Variants in PACS1 observed in about 807,000 individuals in gnomAD.
The protein encoded by PACS1 is PACS-1.
Under a neutral mutation model 115.0 loss-of-function variants are expected in PACS1, and 24 were observed. The observed-to-expected ratio is 0.21, with a 90% CI of 0.15 to 0.29. The LOEUF (loss-of-function observed/expected upper bound fraction) is 0.29, where lower values mean the gene tolerates loss of function less well. PACS1 is among the 10% of genes least tolerant of loss of function. PACS1 has a pLI of 1.00. For synonymous variants in PACS1, 453 were observed against 504.5 expected, an observed-to-expected ratio of 0.90 and a Z score of 1.37; for missense variants, 838 against 1,251.2, an observed-to-expected ratio of 0.67 and a Z score of 4.98.
intron 1 of PACS1, among the ~76,000 whole-genome samples, chr11:66,076,699 G>A (rs1417171027): frequency 1.3e-5 from 2 of 152,154 alleles, no homozygotes; most frequent in Non-Finnish European, 2.9e-5. Flanking sequence ...GGACTGGCCT[G>A]GACTTGAAGG....
At chr11:66,079,721 C>T (rs148327767) in intron 1 of PACS1, among the ~76,000 whole-genome samples, 23 of 152,306 alleles carry the variant, frequency 1.5e-4, no homozygotes, top group African/African-American at 5.3e-4. Context: ...CTCATGAAGT[C>T]TGCATTCTAG....
chr11:66,087,415 G>A (rs567414), intron 1 of PACS1, among the ~76,000 whole-genome samples: 2,079 of 152,124 alleles, frequency 0.014, 39 homozygotes, highest in African/African-American at 0.047. Context: ...CTAATTTTTT[G>A]TACTTTTAGT....
At chr11:66,120,240 T>G (rs1488134382) in intron 1 of PACS1, among the ~76,000 whole-genome samples, 1 of 144,158 alleles carries the variant, frequency 6.9e-6, no homozygotes, top group Non-Finnish European at 1.5e-5. Flanking sequence ...CTCTGCCCCC[T>G]GTGTGCCACC....
In PACS1 at chr11:66,216,274, T is replaced by G. The variant is rs1223095745; in HGVS notation, c.805+11T>G. 3 of 1,613,904 alleles carry G rather than the reference T, an allele frequency of 1.9e-6. No individual in the cohort carries two copies. Among genetic ancestry groups the G allele is most frequent in the East Asian group, 2.2e-5 (1 of 44,884 alleles). ...AATCCAAGCTTTCTGGTAAGAAGCA[T>G]GCAGCATCTGGAGACCCTACGAAGA... On this transcript the variant is annotated intron_variant, in intron 5 of 23. Transcript: ENST00000320580.
At chr11:66,212,343 A>C (rs1200926051) in intron 4 of PACS1, among the ~76,000 whole-genome samples, 2 of 150,812 alleles carry the variant, frequency 1.3e-5, no homozygotes, top group African/African-American at 4.9e-5. Flanking sequence ...CATGTTGGCC[A>C]GGATGGTCTC....
At chr11:66,126,835 TAA>T (rs2134570179) in intron 1 of PACS1, among the ~76,000 whole-genome samples, 1 of 152,038 alleles carries the variant, frequency 6.6e-6, no homozygotes, top group South Asian at 2.1e-4. Context: ...CTGGAGGCAG[TAA>T]AGAGCCAGCC....
rs1031055260 is a variant in PACS1 at position 66,233,644 on chromosome 11, T to G, written c.1839-141T>G. ...AAAGCACTGTGGCTTATTCCCTGTA[T>G]GATCCTCTCTGTTTTATTTTGTGGA... On this transcript the variant is annotated intron_variant, in intron 15 of 23. Coordinates refer to ENST00000320580, the MANE Select transcript of PACS1 (RefSeq NM_018026.4). This position sits in a 1 kb window ranked among gnomAD's most constrained non-coding sequence, Gnocchi z 4.5. The G allele has an allele frequency of 1.3e-6, 1 of 757,818 alleles. No individual in the cohort carries two copies. The highest frequency in any genetic ancestry group is 2.1e-6 in the Non-Finnish European group (1 of 478,234). The allele number at this position is 757,818 out of a possible 1,614,324, so 46.9% of individuals were successfully genotyped here. A position where few individuals can be genotyped will look rare whatever the true frequency, so the allele number is the denominator to read the frequency against.
chr11:66,195,740 T>C (rs1854635541), intron 2 of PACS1, among the ~76,000 whole-genome samples: 1 of 152,190 alleles, frequency 6.6e-6, no homozygotes, highest in Non-Finnish European at 1.5e-5. Context: ...AAATACTTAT[T>C]GAGCATCTAT....
At chr11:66,239,577 G>A (rs186641143) in intron 21 of PACS1, among the ~76,000 whole-genome samples, 454 of 152,334 alleles carry the variant, frequency 3.0e-3, no homozygotes, top group Non-Finnish European at 5.3e-3. Context: ...AGCCGGCCTG[G>A]TCATGGGAGG....
chr11:66,234,068 A>G (rs1023762470), intron 16 of PACS1, 64 bp from the exon 17 acceptor site: 18 of 1,523,998 alleles, frequency 1.2e-5, no homozygotes, highest in Non-Finnish European at 1.6e-5. Context: ...GTGGCCAGGG[A>G]CAGCTGCTCC....
At chr11:66,074,599 AACC>A (rs1296665678) in intron 1 of PACS1, among the ~76,000 whole-genome samples, 1 of 152,232 alleles carries the variant, frequency 6.6e-6, no homozygotes, top group Non-Finnish European at 1.5e-5. Context: ...ATCATTCGCA[AACC>A]ATATCCAAAG....
chr11:66,137,182 G>A (rs1423469142), intron 1 of PACS1, among the ~76,000 whole-genome samples: 3 of 152,010 alleles, frequency 2.0e-5, no homozygotes, highest in Admixed American at 1.3e-4. Context: ...GAAAGGCCTT[G>A]TCCACTTGAG....
At chr11:66,171,611 G>T (rs921745905) in intron 1 of PACS1, among the ~76,000 whole-genome samples, 1 of 148,870 alleles carries the variant, frequency 6.7e-6, no homozygotes, top group Non-Finnish European at 1.5e-5. Context: ...ACGGAGTCTC[G>T]CTCTGTCGCC....
At chr11:66,181,197 T>C (rs529213490) in intron 1 of PACS1, among the ~76,000 whole-genome samples, 179 of 151,648 alleles carry the variant, frequency 1.2e-3, no homozygotes, top group Non-Finnish European at 2.0e-3. Context: ...TTTTTTTTAT[T>C]TTAATTTTAA....
chr11:66,237,784 A>G (rs558480), intron 19 of PACS1, among the ~76,000 whole-genome samples: 148,217 of 152,308 alleles, frequency 0.97, 72,252 homozygotes, highest in Middle Eastern at 1. Flanking sequence ...AATGCCAGGC[A>G]AACAAGGAGA....
intron 1 of PACS1, among the ~76,000 whole-genome samples, chr11:66,170,975 G>C (rs801731): frequency 0.46 from 68,501 of 148,558 alleles, 16,972 homozygotes; most frequent in Admixed American, 0.48. Flanking sequence ...ATCAGTTTTT[G>C]AAAACATTCT....
intron 13 of PACS1, chr11:66,231,887 G>T (rs939708094): frequency 1.3e-5 from 4 of 316,480 alleles, no homozygotes; most frequent in East Asian, 6.4e-5. Flanking sequence ...TTTCCCATCC[G>T]CGAGGCTTGC....
chr11:66,230,995 G>C, intron 13 of PACS1, 55 bp downstream of exon 13: 1 of 1,607,798 alleles, frequency 6.2e-7, no homozygotes, highest in South Asian at 1.1e-5. Context: ...CTGAACTTCA[G>C]GCTCTGTTTT....
intron 1 of PACS1, among the ~76,000 whole-genome samples, chr11:66,129,022 C>T (rs1358126677): frequency 1.3e-5 from 2 of 152,052 alleles, no homozygotes; most frequent in Non-Finnish European, 2.9e-5. Context: ...TGCGTCTTGG[C>T]TATGATGGTG....
Sources: gnomAD v4.1 joint callset for allele counts (sites outside exome capture counted in the v4.1 genomes callset) on GRCh38, gnomAD v4.1.1 for gene constraint, Gnocchi (gnomAD v3.1) non-coding constraint, MANE v1.5 for transcripts, NCBI Gene and HGNC (gene_info 2026-07-23, HGNC 2026-07-21) for gene names.